The following LHFPL3 variants were observed in gnomAD, a reference collection of about 807,000 sequenced individuals.
LHFPL3 encodes LHFPL tetraspan subfamily member 3 protein.
Under a neutral mutation model 19.3 loss-of-function variants are expected in LHFPL3, and 5 were observed. The ratio of observed to expected loss-of-function variants is 0.26; its 90% CI spans 0.14 to 0.54. LHFPL3 has a LOEUF of 0.54. Ranked by LOEUF, LHFPL3 falls within the 20% of genes least tolerant of loss-of-function variation. The pLI is 0.94. For missense variants in LHFPL3, 249 were observed against 307.4 expected (o/e 0.81, Z 1.42); for synonymous variants, 133 against 126.2 (o/e 1.05, Z -0.36).
chr7:104,788,657 T>C (rs993218088), intron 2 of LHFPL3, among the ~76,000 whole-genome samples: 4 of 152,218 alleles, frequency 2.6e-5, no homozygotes, highest in Non-Finnish European at 5.9e-5. Flanking sequence ...GTCTTCTCCC[T>C]GACTTCCTCA....
intron 2 of LHFPL3, among the ~76,000 whole-genome samples, chr7:104,787,898 C>A (rs997734118): frequency 6.6e-6 from 1 of 152,170 alleles, no homozygotes; most frequent in African/African-American, 2.4e-5. Context: ...TTAATCACCT[C>A]CCAAGGCCCA....
chr7:104,672,126 G>C (rs1011439325), intron 1 of LHFPL3, among the ~76,000 whole-genome samples: 5 of 151,334 alleles, frequency 3.3e-5, no homozygotes, highest in African/African-American at 9.7e-5. Context: ...TGTGTAGTAG[G>C]GTGTATGCAG....
chr7:104,398,519 G>C (rs1392204666), intron 1 of LHFPL3, among the ~76,000 whole-genome samples: 3 of 152,124 alleles, frequency 2.0e-5, no homozygotes, highest in Admixed American at 1.3e-4. Flanking sequence ...TCCAGTAAAA[G>C]CAATAACTAA....
chr7:104,776,482 G>T (rs1794638492), intron 2 of LHFPL3, among the ~76,000 whole-genome samples: 1 of 152,124 alleles, frequency 6.6e-6, no homozygotes, highest in African/African-American at 2.4e-5. Context: ...TTTACCAGTG[G>T]TTCTCACATC....
intron 1 of LHFPL3, among the ~76,000 whole-genome samples, chr7:104,589,212 A>C (rs1364910668): frequency 1.3e-4 from 20 of 152,118 alleles, no homozygotes; most frequent in Admixed American, 1.2e-3. Flanking sequence ...GAATGCTTCC[A>C]GTTTTTGCCC....
intron 1 of LHFPL3, among the ~76,000 whole-genome samples, chr7:104,506,504 CTG>C (rs1292456322): frequency 6.6e-6 from 1 of 152,188 alleles, no homozygotes; most frequent in South Asian, 2.1e-4. Flanking sequence ...AGTCCTGAGG[CTG>C]TGTTATACTC....
chr7:104,562,438 T>A (rs1309540860), intron 1 of LHFPL3, among the ~76,000 whole-genome samples: 1 of 152,244 alleles, frequency 6.6e-6, no homozygotes, highest in Non-Finnish European at 1.5e-5. Context: ...TCATTTCATC[T>A]TCCATCGCTG....
intron 1 of LHFPL3, among the ~76,000 whole-genome samples, chr7:104,380,641 A>G (rs1403146702): frequency 6.6e-6 from 1 of 152,190 alleles, no homozygotes; most frequent in Non-Finnish European, 1.5e-5. Context: ...ACAAAAGAAG[A>G]AAGAGTCAAG....
At chr7:104,433,499 C>G (rs1023053309) in intron 1 of LHFPL3, among the ~76,000 whole-genome samples, 1 of 152,178 alleles carries the variant, frequency 6.6e-6, no homozygotes, top group Non-Finnish European at 1.5e-5. Context: ...TCCAAAAACT[C>G]CAGCAAGGTA....
intron 1 of LHFPL3, among the ~76,000 whole-genome samples, chr7:104,513,001 A>C (rs979005061): frequency 3.9e-5 from 6 of 152,174 alleles, no homozygotes; most frequent in African/African-American, 1.4e-4. Context: ...CTATGGATAT[A>C]GTTCTCTTTC....
intron 1 of LHFPL3, among the ~76,000 whole-genome samples, chr7:104,567,898 C>T (rs1247785195): frequency 6.6e-6 from 1 of 152,078 alleles, no homozygotes; most frequent in Non-Finnish European, 1.5e-5. Context: ...ACTTTTTCTC[C>T]CGTGTCTCTG....
chr7:104,807,384 G>A (rs754455066), intron 2 of LHFPL3, among the ~76,000 whole-genome samples: 13 of 152,150 alleles, frequency 8.5e-5, no homozygotes, highest in Non-Finnish European at 1.8e-4. Flanking sequence ...CCGACACCTC[G>A]ATCCTGGACT....
intron 2 of LHFPL3, among the ~76,000 whole-genome samples, chr7:104,739,376 T>A (rs1793889060): frequency 6.6e-6 from 1 of 152,228 alleles, no homozygotes; most frequent in South Asian, 2.1e-4. Flanking sequence ...ATAGTTTCAT[T>A]AAACAGTAGT....
intron 2 of LHFPL3, among the ~76,000 whole-genome samples, chr7:104,827,143 T>G (rs1264587110): frequency 2.6e-5 from 4 of 152,008 alleles, no homozygotes; most frequent in African/African-American, 4.8e-5. Flanking sequence ...CTTGATTCTT[T>G]TACCACTATC....
At chr7:104,505,021 G>GTGTATACACATATACTGCTA (rs1209084877) in intron 1 of LHFPL3, among the ~76,000 whole-genome samples, 4 of 152,024 alleles carry the variant, frequency 2.6e-5, no homozygotes, top group Non-Finnish European at 5.9e-5. Flanking sequence ...TGCATATACT[G>GTGTATACACATATACTGCTA]TGTATACACA....
chr7:104,374,982 G>A (rs1353195036), intron 1 of LHFPL3, among the ~76,000 whole-genome samples: 2 of 152,164 alleles, frequency 1.3e-5, no homozygotes, highest in African/African-American at 2.4e-5. Flanking sequence ...TATTTGCTTC[G>A]AGCAATAAAT....
Position 104,666,512 on chromosome 7 carries a change from C to CTTTTTTTTTTTTTTTTTTTTTTTTTT in LHFPL3, c.446-70161_446-70136dup, listed in dbSNP as rs71155514. 6.9e-4 allele frequency among the ~76,000 whole-genome samples: 29 copies of CTTTTTTTTTTTTTTTTTTTTTTTTTT among 42,236 alleles called. 11 individuals are homozygous for CTTTTTTTTTTTTTTTTTTTTTTTTTT. The highest frequency in any genetic ancestry group is 9.5e-4 in the Non-Finnish European group (21 of 22,202). 27.7% of individuals were successfully genotyped at this position (42,236 alleles called of 152,430 possible). A position where few individuals can be genotyped will look rare whatever the true frequency, so the allele number is the denominator to read the frequency against. On this transcript the variant is annotated intron_variant, in intron 1 of 2. Transcript: ENST00000424859. ...TTGCTGAAAATGACAGGATTTCATT[C>CTTTTTTTTTTTTTTTTTTTTTTTTTT]TTTTTTTTTTTTTTTTTTTTTTTTT...
chr7:104,413,289 A>G (rs564377555), intron 1 of LHFPL3, among the ~76,000 whole-genome samples: 5 of 152,276 alleles, frequency 3.3e-5, no homozygotes, highest in African/African-American at 1.2e-4. Context: ...TGACATAGAT[A>G]TGCCATTCTC....
At chr7:104,574,234 A>T (rs1317090996) in intron 1 of LHFPL3, among the ~76,000 whole-genome samples, 2 of 152,196 alleles carry the variant, frequency 1.3e-5, no homozygotes, top group East Asian at 3.8e-4. Context: ...TCTACTCAGA[A>T]CACCACTGCT....
Sources: gnomAD v4.1 joint callset for allele counts (sites outside exome capture counted in the v4.1 genomes callset) on GRCh38, gnomAD v4.1.1 for gene constraint, MANE v1.5 for transcripts, NCBI Gene and HGNC (gene_info 2026-07-23, HGNC 2026-07-21) for gene names.